Variants in AMDHD1 observed in about 807,000 individuals in gnomAD.
The protein encoded by AMDHD1 is probable imidazolonepropionase.
A neutral mutation model predicts 44.1 loss-of-function variants in AMDHD1; 45 were observed. That is an observed-to-expected ratio of 1.02 (90% confidence interval 0.80 to 1.31). The LOEUF is 1.31. Ranked by LOEUF, AMDHD1 falls within the 50% of genes most tolerant of loss-of-function variation. The pLI, the probability that AMDHD1 is intolerant of heterozygous loss-of-function variation, is 0.00. For synonymous variants in AMDHD1, 206 were observed against 205.0 expected, an observed-to-expected ratio of 1.00 and a Z score of -0.04; for missense variants, 586 against 552.1, an observed-to-expected ratio of 1.06 and a Z score of -0.61.
chr12:95,960,474 G>A lies in AMDHD1; in HGVS notation c.664G>A (p.Gly222Arg), dbSNP rs769590831. 5.0e-6 allele frequency: 8 copies of A among 1,614,166 alleles called. No homozygotes were observed. Among genetic ancestry groups the A allele is most frequent in the East Asian group, 2.2e-5 (1 of 44,888 alleles). The change falls in exon 5 of 9, where the codon GGG becomes AGG. Residue 222 changes from glycine (G) to arginine (R), a missense_variant. Transcript: ENST00000266736. ...AAAGCTGAAGGAACTTGGCAGAAAT[G>A]GGGAAATACACGTGGACAATATAGA... The part of the protein sequence containing the change: ...LPKLKELGRN[G>R]EIHVDNIDVF...
chr12:95,956,343 C>T (rs1014296997), intron 3 of AMDHD1, among the ~76,000 whole-genome samples: 1 of 152,120 alleles, frequency 6.6e-6, no homozygotes, highest in Admixed American at 6.5e-5. Context: ...CTCCTGACCT[C>T]GTGATCTGCC....
rs200706449 is a variant in AMDHD1, at chr12:95,956,859, G to C, written c.484G>C (p.Asp162His). The C allele has an allele frequency of 1.2e-6, 2 of 1,614,066 alleles. No homozygotes were observed. The highest frequency in any genetic ancestry group is 1.7e-6 in the Non-Finnish European group (2 of 1,180,058). Residue 162 changes from aspartate (D) to histidine (H), a missense_variant, in exon 4 of 9, where the codon GAC becomes CAC. Asp to His is a moderately conservative substitution (Grantham distance 81). Coordinates refer to ENST00000266736, the MANE Select transcript of AMDHD1 (RefSeq NM_152435.3). ...GGAGTGCAAGAGTGGATATGGCCTC[G>C]ACCTGGAGACCGAGCTCAAGATGCT... The part of the protein sequence containing the change: ...LVECKSGYGL[D>H]LETELKMLRV...
At chr12:95,954,357 G>T (rs909813416) in intron 2 of AMDHD1, among the ~76,000 whole-genome samples, 1 of 151,998 alleles carries the variant, frequency 6.6e-6, no homozygotes, top group African/African-American at 2.4e-5. Flanking sequence ...ATCATTGGAG[G>T]CTGAGGCAGG....
chr12:95,960,333 A>T lies in AMDHD1; in HGVS notation c.588-65A>T. On this transcript the variant is annotated intron_variant, in intron 4 of 8. Transcript: ENST00000266736. Reference sequence around the variant, plus strand: ...GCTCCTCAGGTTCTTCAAGTGCCAGATTACCCTGTCTTTTTGTGTTTTGTT... The same window carrying T: ...GCTCCTCAGGTTCTTCAAGTGCCAGTTTACCCTGTCTTTTTGTGTTTTGTT... The T allele has an allele frequency of 2.1e-6, 3 of 1,452,204 alleles. No homozygotes were observed. The South Asian group carries it at 3.7e-5, about 18-fold the overall frequency. 90.0% of individuals were successfully genotyped at this position (1,452,204 alleles called of 1,614,324 possible).
chr12:95,945,763 G>A (rs1219778797), intron 1 of AMDHD1, among the ~76,000 whole-genome samples: 1 of 138,558 alleles, frequency 7.2e-6, no homozygotes, highest in African/African-American at 2.8e-5. Context: ...CCCAGAATTG[G>A]ATGGATTTTA....
At chr12:95,963,177 G>A (rs532040680) in intron 6 of AMDHD1, among the ~76,000 whole-genome samples, 7 of 152,150 alleles carry the variant, frequency 4.6e-5, no homozygotes, top group Non-Finnish European at 8.8e-5. Flanking sequence ...TTAGGACTAG[G>A]TGCTTTCTGT....
At chr12:95,958,635 TC>T (rs2080564370) in intron 4 of AMDHD1, among the ~76,000 whole-genome samples, 1 of 152,232 alleles carries the variant, frequency 6.6e-6, no homozygotes, top group Admixed American at 6.5e-5. Flanking sequence ...TGGGTTTGAA[TC>T]CAGCTTGGCT....
At chr12:95,961,957 C>T (rs2080584148) in intron 5 of AMDHD1, among the ~76,000 whole-genome samples, 1 of 152,208 alleles carries the variant, frequency 6.6e-6, no homozygotes, top group Non-Finnish European at 1.5e-5. Context: ...TAATAAAACG[C>T]TGTTTCTCTT....
chr12:95,947,646 C>A (rs2080502964), intron 1 of AMDHD1, among the ~76,000 whole-genome samples: 1 of 61,466 alleles, frequency 1.6e-5, no homozygotes, highest in Non-Finnish European at 2.9e-5. Flanking sequence ...CCCCGCCCGG[C>A]CAGCCGCCCC....
At chr12:95,967,731 T>G in intron 8 of AMDHD1, 25 bp from the exon 9 acceptor site, 1 of 1,433,560 alleles carries the variant, frequency 7.0e-7, no homozygotes, top group Non-Finnish European at 9.3e-7. Flanking sequence ...GAAGTAATAT[T>G]TGTTGTTTTT....
intron 7 of AMDHD1, 77 bp downstream of exon 7, chr12:95,965,856 CTT>C (rs2080607641): frequency 1.0e-6 from 1 of 972,704 alleles, no homozygotes; most frequent in Non-Finnish European, 1.5e-6. Flanking sequence ...ATTTCACTAG[CTT>C]TTAAAACAGT....
At chr12:95,963,930 G>A (rs911678807) in intron 6 of AMDHD1, among the ~76,000 whole-genome samples, 1 of 151,126 alleles carries the variant, frequency 6.6e-6, no homozygotes, top group African/African-American at 2.4e-5. Context: ...TCGGGAGGCT[G>A]AGGCAGGAGA....
chr12:95,952,943 G>A (rs751423164), intron 2 of AMDHD1, 120 bp downstream of exon 2: 13 of 607,198 alleles, frequency 2.1e-5, no homozygotes, highest in Admixed American at 1.8e-4. Context: ...AAAAATCATC[G>A]TTCCATGTAT....
At chr12:95,949,855 A>T (rs1017600824) in intron 1 of AMDHD1, among the ~76,000 whole-genome samples, 1 of 152,214 alleles carries the variant, frequency 6.6e-6, no homozygotes. Flanking sequence ...TGCCCTCATT[A>T]TGTCCTCAAC....
chr12:95,946,061 C>CTCTGTGTGTGTGTG (rs1403742643), intron 1 of AMDHD1, among the ~76,000 whole-genome samples: 10 of 122,486 alleles, frequency 8.2e-5, no homozygotes, highest in African/African-American at 2.4e-4. Context: ...CTCTTTCTCT[C>CTCTGTGTGTGTGTG]TGTGTGTGTG....
At position 95,964,928 on chromosome 12, in the gene AMDHD1, C is replaced by CAAAAAAAAAAAAAAAAAAAAAAAAAA. The variant is rs60076877; in HGVS notation, c.939-735_939-734insAAAAAAAAAAAAAAAAAAAAAAAAAA. On this transcript the variant is annotated intron_variant, in intron 6 of 8. Coordinates refer to ENST00000266736, the MANE Select transcript of AMDHD1 (RefSeq NM_152435.3). Reference sequence around the variant, plus strand: ...AAAGGACCTACAGAGATGTTTGAGGCAAAAAAAAAAAAAAAAAAAAAAAGA... The same window carrying CAAAAAAAAAAAAAAAAAAAAAAAAAA: ...AAAGGACCTACAGAGATGTTTGAGGCAAAAAAAAAAAAAAAAAAAAAAAAAAAAAAAAAAAAAAAAAAAAAAAAAGA... 1.1e-4 allele frequency among the ~76,000 whole-genome samples: 4 copies of CAAAAAAAAAAAAAAAAAAAAAAAAAA among 35,832 alleles called. 1 individual carries two copies. The highest frequency in any genetic ancestry group is 4.1e-4 in the African/African-American group (3 of 7,360). The allele number at this position is 35,832 out of a possible 152,430, so 23.5% of individuals were successfully genotyped here. A position where few individuals can be genotyped will look rare whatever the true frequency, so the allele number is the denominator to read the frequency against.
chr12:95,966,240 C>A (rs182467786), intron 7 of AMDHD1, 108 bp from the exon 8 acceptor site: 14 of 1,271,242 alleles, frequency 1.1e-5, no homozygotes, highest in African/African-American at 3.0e-5. Context: ...TGAGCCAATT[C>A]CTCCTATACC....
intron 2 of AMDHD1, among the ~76,000 whole-genome samples, chr12:95,953,787 G>C (rs1050234791): frequency 1.3e-5 from 2 of 152,196 alleles, no homozygotes; most frequent in East Asian, 3.9e-4. Flanking sequence ...CACCATGTTG[G>C]TCAGGCTGGT....
chr12:95,959,871 C>A lies in AMDHD1; in HGVS notation c.588-527C>A, dbSNP rs565944677. 1.3e-3 allele frequency among the ~76,000 whole-genome samples: 183 copies of A among 145,792 alleles called. 1 individual carries two copies. Among genetic ancestry groups the A allele is most frequent in the African/African-American group, 4.5e-3 (179 of 39,402 alleles). ...AGTGCAGTGGTGCGATCTCGGCTCA[C>A]TGCAACCTCCGCCTCCCTGGCTCAA... On this transcript the variant is annotated intron_variant, in intron 4 of 8. Coordinates refer to ENST00000266736, the MANE Select transcript of AMDHD1 (RefSeq NM_152435.3).
Sources: allele counts gnomAD v4.1 joint callset (sites outside exome capture counted in the v4.1 genomes callset), GRCh38; gene constraint gnomAD v4.1.1; transcripts MANE v1.5; gene names NCBI Gene and HGNC (gene_info 2026-07-23, HGNC 2026-07-21).